ADAMTS12: variants seen among roughly 807,000 people sequenced by gnomAD.
ADAMTS12 encodes A disintegrin and metalloproteinase with thrombospondin motifs 12.
ADAMTS12 carries 118 observed loss-of-function variants against 167.8 expected under a neutral mutation model. The observed-to-expected ratio is 0.70, with a 90% CI of 0.61 to 0.82. The LOEUF (loss-of-function observed/expected upper bound fraction) is 0.82. ADAMTS12 is among the 40% of genes least tolerant of loss of function. The pLI, the probability that ADAMTS12 is intolerant of heterozygous loss-of-function variation, is 0.00. For synonymous variants in ADAMTS12, 704 were observed against 716.9 expected, an observed-to-expected ratio of 0.98 and a Z score of 0.29; for missense variants, 1,916 against 1,998.8, an observed-to-expected ratio of 0.96 and a Z score of 0.79.
chr5:33,771,109 T>C (rs1247601192), intron 2 of ADAMTS12, among the ~76,000 whole-genome samples: 2 of 152,174 alleles, frequency 1.3e-5, no homozygotes, highest in African/African-American at 2.4e-5. Flanking sequence ...AGTTCCCTGA[T>C]GGGTAGGGTT....
At chr5:33,584,522 C>T (rs1028421572) in intron 18 of ADAMTS12, among the ~76,000 whole-genome samples, 3 of 152,164 alleles carry the variant, frequency 2.0e-5, no homozygotes, top group African/African-American at 4.8e-5. Context: ...TCCTTCAGCA[C>T]ATTTGGGTAC....
intron 9 of ADAMTS12, among the ~76,000 whole-genome samples, chr5:33,646,598 C>T (rs547491861): frequency 6.6e-6 from 1 of 152,204 alleles, no homozygotes; most frequent in South Asian, 2.1e-4. Context: ...TTTAAATTGA[C>T]CCAGAGATAG....
At chr5:33,740,380 C>G (rs1744522593) in intron 3 of ADAMTS12, among the ~76,000 whole-genome samples, 1 of 152,062 alleles carries the variant, frequency 6.6e-6, no homozygotes, top group East Asian at 1.9e-4. Flanking sequence ...TTGTAGAATA[C>G]AGTGCAAAAT....
intron 3 of ADAMTS12, among the ~76,000 whole-genome samples, chr5:33,690,497 G>T (rs1348406412): frequency 6.6e-6 from 1 of 151,672 alleles, no homozygotes; most frequent in Non-Finnish European, 1.5e-5. Context: ...ATTCTCAAAG[G>T]CTGGATGGTC....
intron 3 of ADAMTS12, among the ~76,000 whole-genome samples, chr5:33,695,772 G>A (rs1742733754): frequency 6.6e-6 from 1 of 152,190 alleles, no homozygotes; most frequent in Non-Finnish European, 1.5e-5. Context: ...AACTTCTGGA[G>A]AGGGATGGAT....
chr5:33,768,545 T>C (rs980251829), intron 2 of ADAMTS12, among the ~76,000 whole-genome samples: 10 of 152,228 alleles, frequency 6.6e-5, no homozygotes, highest in African/African-American at 2.2e-4. Flanking sequence ...ATTTTAGATA[T>C]ATGGAAATAT....
intron 20 of ADAMTS12, among the ~76,000 whole-genome samples, chr5:33,551,933 C>T (rs546748934): frequency 6.6e-6 from 1 of 152,122 alleles, no homozygotes; most frequent in East Asian, 1.9e-4. Flanking sequence ...GAGAGGAAGG[C>T]CGTTTGTATT....
chr5:33,546,385 A>AG (rs1488041169), intron 21 of ADAMTS12, among the ~76,000 whole-genome samples, 183 bp from the exon 22 acceptor site: 8 of 152,280 alleles, frequency 5.3e-5, no homozygotes, highest in African/African-American at 1.2e-4. Flanking sequence ...TAAAAAAAAA[A>AG]AGGGGGGGAA....
Position 33,588,824 on chromosome 5 carries a change from G to A in ADAMTS12, c.2655-15C>T, listed in dbSNP as rs1001280669. On this transcript the variant is annotated splice_polypyrimidine_tract_variant and intron_variant, in intron 17 of 23. Transcript: ENST00000504830. ...CTGCCCACCACCTGCAGGCAAACAT[G>A]GATATGTGAGAGAAGATCGCCAACT... 1.9e-6 allele frequency: 3 copies of A among 1,611,658 alleles called. No individual in the cohort carries two copies. Among genetic ancestry groups the A allele is most frequent in the Non-Finnish European group, 1.7e-6 (2 of 1,179,940 alleles).
intron 2 of ADAMTS12, 29 bp from the exon 3 acceptor site, chr5:33,751,577 T>C (rs780517913): frequency 6.2e-7 from 1 of 1,608,776 alleles, no homozygotes; most frequent in East Asian, 2.2e-5. Context: ...AGAAAGTTTA[T>C]TTTAACCAAT....
intron 23 of ADAMTS12, among the ~76,000 whole-genome samples, chr5:33,529,563 T>C (rs933953889): frequency 2.0e-5 from 3 of 152,114 alleles, no homozygotes; most frequent in Admixed American, 1.3e-4. Flanking sequence ...AAAGTAGAAA[T>C]GGAAATAATA....
At chr5:33,713,970 A>G (rs1304709955) in intron 3 of ADAMTS12, among the ~76,000 whole-genome samples, 2 of 152,142 alleles carry the variant, frequency 1.3e-5, no homozygotes, top group African/African-American at 2.4e-5. Flanking sequence ...AGAGCATGGT[A>G]GTCTTGGTTG....
At chr5:33,840,681 C>G (rs2111594550) in intron 2 of ADAMTS12, among the ~76,000 whole-genome samples, 1 of 152,342 alleles carries the variant, frequency 6.6e-6, no homozygotes, top group Non-Finnish European at 1.5e-5. Flanking sequence ...ATGCCCAAGG[C>G]CCCAGGAATG....
intron 13 of ADAMTS12, among the ~76,000 whole-genome samples, chr5:33,629,852 T>C (rs1739839005): frequency 6.6e-6 from 1 of 152,228 alleles, no homozygotes; most frequent in African/African-American, 2.4e-5. Context: ...GGCATACATA[T>C]TCCCATTGCA....
chr5:33,578,083 T>C (rs1746849419), intron 18 of ADAMTS12, among the ~76,000 whole-genome samples: 2 of 152,234 alleles, frequency 1.3e-5, no homozygotes, highest in South Asian at 2.1e-4. Context: ...GTTCCATTTT[T>C]AGCTTCTCTT....
chr5:33,679,018 T>C (rs921172887), intron 5 of ADAMTS12, among the ~76,000 whole-genome samples: 2 of 152,148 alleles, frequency 1.3e-5, no homozygotes, highest in Non-Finnish European at 2.9e-5. Flanking sequence ...CCTCTGCAAC[T>C]GAAAGGATGA....
rs541159969 is a variant in ADAMTS12 at position 33,622,482 on chromosome 5, C to T, written c.2143+1749G>A. Among the ~76,000 whole-genome samples the T allele has an allele frequency of 1.6e-3, 246 of 152,158 alleles. 1 individual carries two copies. Among genetic ancestry groups the T allele is most frequent in the African/African-American group, 5.8e-3 (239 of 41,518 alleles). On this transcript the variant is annotated intron_variant, in intron 14 of 23. Coordinates refer to ENST00000504830, the MANE Select transcript of ADAMTS12 (RefSeq NM_030955.4). ...CATCCTGGCCAATATGGTGAAACTC[C>T]GTCTCTACTAAAAATACAAAAATTA...
chr5:33,826,719 T>C (rs114002355), intron 2 of ADAMTS12, among the ~76,000 whole-genome samples: 3,306 of 152,162 alleles, frequency 0.022, 131 homozygotes, highest in African/African-American at 0.076. Flanking sequence ...GCTAAACTAA[T>C]AGCAATTTAT....
chr5:33,572,614 T>C (rs1251319343), intron 19 of ADAMTS12, among the ~76,000 whole-genome samples: 29 of 130,130 alleles, frequency 2.2e-4, no homozygotes, highest in African/African-American at 4.0e-4. Context: ...TAATAAGAGC[T>C]ATCTATGACA....
Sources: allele counts gnomAD v4.1 joint callset (sites outside exome capture counted in the v4.1 genomes callset), GRCh38; gene constraint gnomAD v4.1.1; transcripts MANE v1.5; gene names NCBI Gene and HGNC (gene_info 2026-07-23, HGNC 2026-07-21).